The following WNK2 variants were observed in gnomAD, a reference collection of about 807,000 sequenced individuals.
WNK2 encodes serine/threonine-protein kinase WNK2.
In WNK2, 67 loss-of-function variants were observed where a neutral mutation model predicts 192.1. The observed-to-expected ratio is 0.35, with a 90% CI of 0.29 to 0.43. The LOEUF is 0.43. Ranked by LOEUF, WNK2 falls within the 20% of genes least tolerant of loss-of-function variation. The probability of loss-of-function intolerance (pLI) is 1.00; values close to 1 mark genes in which losing one functional copy is unlikely to be tolerated. For synonymous variants in WNK2, 1,439 were observed against 1,393.9 expected, an observed-to-expected ratio of 1.03 and a Z score of -0.72; for missense variants, 2,698 against 3,089.7, an observed-to-expected ratio of 0.87 and a Z score of 3.01.
chr9:93,280,112 A>T (rs1847501639), intron 19 of WNK2, among the ~76,000 whole-genome samples: 1 of 152,240 alleles, frequency 6.6e-6, no homozygotes, highest in Admixed American at 6.5e-5. Flanking sequence ...ATGAAAACAT[A>T]AGCTAGAGAC....
chr9:93,204,506 C>T (rs972255155), intron 2 of WNK2, among the ~76,000 whole-genome samples: 2 of 152,164 alleles, frequency 1.3e-5, no homozygotes, highest in African/African-American at 4.8e-5. Context: ...CTGGGAAGCC[C>T]CACTTTCCCC....
At position 93,246,085 on chromosome 9, in the gene WNK2, C is replaced by T. The variant is rs111240589; in HGVS notation, c.1543-1458C>T. Among the ~76,000 whole-genome samples the T allele has an allele frequency of 1.3e-3, 201 of 152,334 alleles. 1 individual carries two copies. The highest frequency in any genetic ancestry group is 4.4e-3 in the African/African-American group (181 of 41,578). Reference sequence around the variant, plus strand: ...TGATACCAGCAGTGACACTTCACCCCTCCTGCCACCCCCATATGCAAAATG... The same window carrying T: ...TGATACCAGCAGTGACACTTCACCCTTCCTGCCACCCCCATATGCAAAATG... On this transcript the variant is annotated intron_variant, in intron 7 of 29. Transcript: ENST00000427277.
chr9:93,259,255 G>A lies in WNK2; in HGVS notation c.2707G>A (p.Val903Met), dbSNP rs759885169. ...GVAALSIHSA[V>M]AQLPGQPVYP... Reference sequence around the variant, plus strand: ...GGCTGCCCTGTCCATTCATTCTGCCGTGGCCCAGCTCCCAGGCCAACCTGT... The same window carrying A: ...GGCTGCCCTGTCCATTCATTCTGCCATGGCCCAGCTCCCAGGCCAACCTGT... The change falls in exon 12 of 30, where the codon GTG becomes ATG. Residue 903 changes from valine to methionine, a missense_variant. By Grantham distance (21) the Val-to-Met change is conservative (BLOSUM62 1). Around this residue, in one of 7 missense-constraint regions of WNK2, gnomAD observed 893 missense variants for 909.0 expected, o/e 0.98. Coordinates refer to ENST00000427277, the MANE Select transcript of WNK2 (RefSeq NM_006648.4). This position sits in a 1 kb window ranked among gnomAD's most constrained non-coding sequence, Gnocchi z 4.8. 109 of 1,613,206 alleles carry A rather than the reference G, an allele frequency of 6.8e-5. No individual in the cohort carries two copies. In the South Asian group the frequency reaches 8.2e-4, roughly 12 times the overall value.
At chr9:93,317,889 C>T (rs750142295) in intron 29 of WNK2, 36 of 1,577,776 alleles carry the variant, frequency 2.3e-5, no homozygotes, top group Admixed American at 1.2e-4. Flanking sequence ...CCCTCGGAAC[C>T]GCCCGGAGAA....
intron 2 of WNK2, among the ~76,000 whole-genome samples, chr9:93,198,551 C>T (rs1226404962): frequency 2.0e-5 from 3 of 151,462 alleles, no homozygotes; most frequent in South Asian, 2.1e-4. Context: ...CATTGGGTTT[C>T]ATGGGGATGG....
At position 93,261,806 on chromosome 9, in the gene WNK2, G is replaced by A. The variant is rs370272229; in HGVS notation, c.3067-8G>A. ...CCCTGACTTGCACCTTGTCCCCTGT[G>A]CCCCCAGATTCTGCTTGGCCACCCA... On this transcript the variant is annotated splice_polypyrimidine_tract_variant and splice_region_variant and intron_variant, in intron 12 of 29. Coordinates refer to ENST00000427277, the MANE Select transcript of WNK2 (RefSeq NM_006648.4). 5 of 1,581,244 alleles carry A rather than the reference G, an allele frequency of 3.2e-6. No homozygotes were observed. Among genetic ancestry groups the A allele is most frequent in the Non-Finnish European group, 4.3e-6 (5 of 1,166,434 alleles).
intron 2 of WNK2, among the ~76,000 whole-genome samples, chr9:93,213,571 C>A (rs1453256390): frequency 6.6e-6 from 1 of 152,158 alleles, no homozygotes; most frequent in African/African-American, 2.4e-5. Flanking sequence ...TGGTGGATCA[C>A]CTGAGATTGG....
intron 2 of WNK2, among the ~76,000 whole-genome samples, chr9:93,186,116 C>G (rs1294506413): frequency 1.3e-5 from 2 of 152,206 alleles, no homozygotes; most frequent in Non-Finnish European, 2.9e-5. Context: ...GCTGCCCCAG[C>G]AGGGATACCT....
intron 7 of WNK2, among the ~76,000 whole-genome samples, chr9:93,244,509 A>G (rs746065386): frequency 5.3e-5 from 8 of 152,252 alleles, no homozygotes; most frequent in Admixed American, 1.3e-4. Flanking sequence ...GCTGGGGGTG[A>G]TGATGAAGAC....
intron 9 of WNK2, among the ~76,000 whole-genome samples, chr9:93,255,665 G>A (rs1450523498): frequency 6.6e-6 from 1 of 152,162 alleles, no homozygotes; most frequent in Non-Finnish European, 1.5e-5. Context: ...TCACATTCTC[G>A]TTGTTTTGAA....
Position 93,317,246 on chromosome 9 carries a change from G to A in WNK2, c.6517-274G>A, listed in dbSNP as rs930920376. 5 of 562,646 alleles carry A rather than the reference G, an allele frequency of 8.9e-6. No individual in the cohort carries two copies. In the South Asian group the frequency reaches 1.0e-4, roughly 11 times the overall value. The allele number at this position is 562,646 out of a possible 1,614,324, so 34.9% of individuals were successfully genotyped here. On this transcript the variant is annotated intron_variant, in intron 28 of 29. Coordinates refer to ENST00000427277, the MANE Select transcript of WNK2 (RefSeq NM_006648.4). The stretch of plus-strand genomic sequence containing the variant: ...CGCCCTCAGGGTCCAGGCCCCACTA[G>A]TCCTCCTCCAAGTCCCATTTTGGCT...
intron 19 of WNK2, among the ~76,000 whole-genome samples, chr9:93,278,161 G>A (rs1847219581): frequency 6.6e-6 from 1 of 152,174 alleles, no homozygotes; most frequent in Non-Finnish European, 1.5e-5. Context: ...TCCAGAGCAG[G>A]GAAGGAAGAG....
intron 26 of WNK2, among the ~76,000 whole-genome samples, chr9:93,304,227 C>T (rs963035627): frequency 1.3e-5 from 2 of 152,246 alleles, no homozygotes; most frequent in African/African-American, 4.8e-5. Context: ...GAGGGCAGGG[C>T]CGTTGACCCA....
Position 93,259,683 on chromosome 9 carries a change from GGAGGACA to G in WNK2, c.3066+74_3066+80del. The stretch of plus-strand genomic sequence containing the variant: ...GACCCTCAGGACCCAGAGATGCAAA[GGAGGACA>G]GAGGCAGGCAAGGAGGCAGCCCTGC... On this transcript the variant is annotated intron_variant, in intron 12 of 29. Coordinates refer to ENST00000427277, the MANE Select transcript of WNK2 (RefSeq NM_006648.4). The surrounding 1 kb of genome is among the most constrained non-coding windows in gnomAD (Gnocchi z 4.8). 7.2e-7 allele frequency: 1 copy of G among 1,388,188 alleles called. No homozygotes were observed. Among genetic ancestry groups the G allele is most frequent in the South Asian group, 1.5e-5 (1 of 67,918 alleles). The allele number at this position is 1,388,188 out of a possible 1,614,324, so 86.0% of individuals were successfully genotyped here.
chr9:93,217,506 C>T (rs549922874), intron 2 of WNK2, among the ~76,000 whole-genome samples: 25 of 152,192 alleles, frequency 1.6e-4, no homozygotes, highest in African/African-American at 5.3e-4. Context: ...GTGTACCTGC[C>T]GTCTCGGTTG....
At chr9:93,312,220 A>T (rs902024609) in intron 28 of WNK2, among the ~76,000 whole-genome samples, 1 of 152,158 alleles carries the variant, frequency 6.6e-6, no homozygotes, top group African/African-American at 2.4e-5. Flanking sequence ...AAGTTTTAAA[A>T]TTTGTCTTGT....
At position 93,225,612 on chromosome 9, in the gene WNK2, C is replaced by T. The variant is rs146940504; in HGVS notation, c.682-4084C>T. On this transcript the variant is annotated intron_variant, in intron 2 of 29. Transcript: ENST00000427277. ...CATGCAGGGTACGCCCCCCTACTTC[C>T]CGTTTTTTCTTAGTCATTTAGAACG... is the stretch of plus-strand genomic sequence containing the variant. Among the ~76,000 whole-genome samples the T allele has an allele frequency of 1.4e-3, 206 of 152,302 alleles. 1 individual carries two copies. Among genetic ancestry groups the T allele is most frequent in the Middle Eastern group, 0.01 (3 of 294 alleles).
intron 7 of WNK2, among the ~76,000 whole-genome samples, chr9:93,241,117 A>G (rs994160453): frequency 6.6e-6 from 1 of 152,262 alleles, no homozygotes; most frequent in African/African-American, 2.4e-5. Flanking sequence ...CCCCAGGGCC[A>G]ACACTGCTGC....
At chr9:93,242,086 C>G (rs915517378) in intron 7 of WNK2, among the ~76,000 whole-genome samples, 1 of 152,194 alleles carries the variant, frequency 6.6e-6, no homozygotes, top group African/African-American at 2.4e-5. Context: ...GACACCTCCT[C>G]AGGCTGCCAG....
Sources: gnomAD v4.1 joint callset for allele counts (sites outside exome capture counted in the v4.1 genomes callset) on GRCh38, gnomAD v4.1.1 for gene constraint, gnomAD v4.1.1 regional missense constraint, Gnocchi (gnomAD v3.1) non-coding constraint, MANE v1.5 for transcripts, NCBI Gene and HGNC (gene_info 2026-07-23, HGNC 2026-07-21) for gene names.